Variants in GTF3C4 observed in about 807,000 individuals in gnomAD.
GTF3C4 encodes general transcription factor IIIC subunit 4.
In GTF3C4, 28 loss-of-function variants were observed where a neutral mutation model predicts 67.5. The observed-to-expected ratio is 0.41, with a 90% confidence interval of 0.31 to 0.57. GTF3C4 has a LOEUF of 0.57. Ranked by LOEUF, GTF3C4 falls within the 20% of genes least tolerant of loss-of-function variation. The pLI is 0.21. For synonymous variants in GTF3C4, 409 were observed against 393.0 expected (o/e 1.04, Z -0.48); for missense variants, 831 against 1,033.2 (o/e 0.80, Z 2.68).
At chr9:132,683,158 A>G (rs1179829876) in intron 2 of GTF3C4, among the ~76,000 whole-genome samples, 4 of 152,254 alleles carry the variant, frequency 2.6e-5, no homozygotes, top group Non-Finnish European at 5.9e-5. Flanking sequence ...TATAGAGATT[A>G]TGCTTTTTCT....
intron 2 of GTF3C4, among the ~76,000 whole-genome samples, chr9:132,681,980 A>AT (rs1835952427): frequency 1.3e-5 from 2 of 151,684 alleles, no homozygotes; most frequent in Admixed American, 6.6e-5. Context: ...AAAAAAAAAA[A>AT]AAAAAAAAAA....
At chr9:132,685,398 A>G (rs1468010789) in intron 3 of GTF3C4, among the ~76,000 whole-genome samples, 1 of 152,200 alleles carries the variant, frequency 6.6e-6, no homozygotes, top group Non-Finnish European at 1.5e-5. Context: ...ACATTTTTCT[A>G]CATCACTACA....
At chr9:132,682,044 G>A (rs545764170) in intron 2 of GTF3C4, among the ~76,000 whole-genome samples, 1 of 151,976 alleles carries the variant, frequency 6.6e-6, no homozygotes, top group East Asian at 1.9e-4. Context: ...GGAGGCTGAT[G>A]GGGGAGCCAT....
intron 3 of GTF3C4, among the ~76,000 whole-genome samples, chr9:132,683,978 A>C (rs1835986647): frequency 6.6e-6 from 1 of 151,872 alleles, no homozygotes; most frequent in Non-Finnish European, 1.5e-5. Context: ...TCCTAGCCTC[A>C]CTCTAAGACC....
At position 132,688,944 on chromosome 9, in the gene GTF3C4, A is replaced by G. The variant is rs769393936; in HGVS notation, c.2468A>G (p.Ter823=). 6.2e-7 allele frequency: 1 copy of G among 1,606,704 alleles called. No homozygotes were observed. Among genetic ancestry groups the G allele is most frequent in the Non-Finnish European group, 8.5e-7 (1 of 1,173,382 alleles). Residue 823 remains the stop codon, a stop_retained_variant, in exon 5 of 5, where the codon TAA becomes TGA. Coordinates refer to ENST00000372146, the MANE Select transcript of GTF3C4 (RefSeq NM_012204.4). The stretch of plus-strand genomic sequence containing the variant: ...CCTTTCTGTGATTCTCCTGTCTTCT[A>G]AATAATCAGTGACGGGAAGATGGAA... ...PCPFCDSPVF[*] is the part of the protein sequence containing the mutation.
rs1835694286 is a variant in GTF3C4 at position 132,670,522 on chromosome 9, G to T, written c.-77G>T. 122 of 1,169,604 alleles carry T rather than the reference G, an allele frequency of 1.0e-4. No individual in the cohort carries two copies. The highest frequency in any genetic ancestry group is 1.3e-4 in the Non-Finnish European group (119 of 881,646). 72.5% of individuals were successfully genotyped at this position (1,169,604 alleles called of 1,614,324 possible). A position where few individuals can be genotyped will look rare whatever the true frequency, so the allele number is the denominator to read the frequency against. On this transcript the variant is annotated 5_prime_UTR_variant, in exon 1 of 5. Transcript: ENST00000372146. ...AAAACCGCCGCGGAGGGCGCTGGGG[G>T]TGGCGGCGGCGGTCCGGGAGGTGGT... is the stretch of plus-strand genomic sequence containing the variant.
At position 132,690,515 on chromosome 9, in the gene GTF3C4, ATAGG is replaced by A. The variant is rs1205563368; in HGVS notation, c.*1574_*1577del. 3.2e-5 allele frequency: 4 copies of A among 124,888 alleles called. No homozygotes were observed. The highest frequency in any genetic ancestry group is 1.3e-4 in the African/African-American group (4 of 31,888). 7.7% of individuals were successfully genotyped at this position (124,888 alleles called of 1,614,324 possible). A position where few individuals can be genotyped will look rare whatever the true frequency, so the allele number is the denominator to read the frequency against. ...ACCTCCCCACCCCCACCCCGCATTGATAGGTAGTGCAGACCAGCCCTTGGAGGCA... is the reference window on the plus strand; with the variant it reads ...ACCTCCCCACCCCCACCCCGCATTGATAGTGCAGACCAGCCCTTGGAGGCA... On this transcript the variant is annotated 3_prime_UTR_variant, in exon 5 of 5. Transcript: ENST00000372146.
Position 132,678,790 on chromosome 9 carries a change from G to A in GTF3C4, c.1171G>A (p.Val391Ile). 2 of 1,613,796 alleles carry A rather than the reference G, an allele frequency of 1.2e-6. No individual in the cohort carries two copies. Among genetic ancestry groups the A allele is most frequent in the East Asian group, 2.2e-5 (1 of 44,884 alleles). ...HPYQKCSCSLVVAARGSYVFW... is the reference protein window; with the variant it reads ...HPYQKCSCSLIVAARGSYVFW... ...TTACCAGAAGTGTAGTTGCAGCTTA[G>A]TAGTGGCTGCAAGAGGCTCTTATGT... The change falls in exon 2 of 5, where the codon GTA becomes ATA. Residue 391 changes from valine to isoleucine, a missense_variant. Physicochemically the swap from Val to Ile is conservative, Grantham distance 29. This residue lies in a region of GTF3C4 where 390 missense variants were observed against 540.3 expected (regional missense o/e 0.72). Coordinates refer to ENST00000372146, the MANE Select transcript of GTF3C4 (RefSeq NM_012204.4). The surrounding 1 kb of genome is among the most constrained non-coding windows in gnomAD (Gnocchi z 6.5).
At chr9:132,673,727 C>T (rs1206992755) in intron 1 of GTF3C4, among the ~76,000 whole-genome samples, 1 of 152,302 alleles carries the variant, frequency 6.6e-6, no homozygotes, top group Non-Finnish European at 1.5e-5. Context: ...GTACTAAACA[C>T]CTTTGAAGCT....
rs1441038520 is a variant in GTF3C4 at position 132,689,179 on chromosome 9, T to A, written c.*234T>A. The A allele has an allele frequency of 1.9e-6, 1 of 530,108 alleles. No individual in the cohort carries two copies. Among genetic ancestry groups the A allele is most frequent in the African/African-American group, 1.9e-5 (1 of 52,434 alleles). The allele number at this position is 530,108 out of a possible 1,614,324, so 32.8% of individuals were successfully genotyped here. A position where few individuals can be genotyped will look rare whatever the true frequency, so the allele number is the denominator to read the frequency against. ...TCAGAGAGTTGGAGTCGTTTTGAGA[T>A]GAGCATTAGCCCCAGCTTTGTAACC... is the stretch of plus-strand genomic sequence containing the variant. On this transcript the variant is annotated 3_prime_UTR_variant, in exon 5 of 5. Transcript: ENST00000372146.
intron 2 of GTF3C4, among the ~76,000 whole-genome samples, chr9:132,680,608 A>G (rs1179051436): frequency 6.6e-6 from 1 of 152,244 alleles, no homozygotes; most frequent in African/African-American, 2.4e-5. Flanking sequence ...CTTACTGACT[A>G]AAGTCTTATT....
Position 132,685,054 on chromosome 9 carries a change from G to C in GTF3C4, c.2315+1361G>C, listed in dbSNP as rs1367678965. ...TTTTGAGACAGGGTCTTGCTGTATTGCCCAGGCTGGAGTGCAGTGGCACAA... is the reference window on the plus strand; with the variant it reads ...TTTTGAGACAGGGTCTTGCTGTATTCCCCAGGCTGGAGTGCAGTGGCACAA... On this transcript the variant is annotated intron_variant, in intron 3 of 4. Coordinates refer to ENST00000372146, the MANE Select transcript of GTF3C4 (RefSeq NM_012204.4). Among the ~76,000 whole-genome samples the C allele has an allele frequency of 7.5e-5, 10 of 132,982 alleles. No homozygotes were observed. The East Asian group carries it at 2.2e-3, about 29-fold the overall frequency. The allele number at this position is 132,982 out of a possible 152,430, so 87.2% of individuals were successfully genotyped here.
Position 132,693,651 on chromosome 9 carries a change from A to T in GTF3C4, c.*4706A>T, listed in dbSNP as rs894894046. 2.5e-5 allele frequency: 1 copy of T among 40,326 alleles called. No individual in the cohort carries two copies. Among genetic ancestry groups the T allele is most frequent in the Middle Eastern group, 8.5e-3 (1 of 118 alleles). The allele number at this position is 40,326 out of a possible 1,614,324, so 2.5% of individuals were successfully genotyped here. On this transcript the variant is annotated 3_prime_UTR_variant, in exon 5 of 5. Coordinates refer to ENST00000372146, the MANE Select transcript of GTF3C4 (RefSeq NM_012204.4). ...GTCATGAAATCCTGTTACTTTCATT[A>T]AAAAAAAAAATCCTGTAAAATGGTC...
chr9:132,687,539 A>C (rs1252434037), intron 4 of GTF3C4, among the ~76,000 whole-genome samples: 1 of 152,200 alleles, frequency 6.6e-6, no homozygotes, highest in Non-Finnish European at 1.5e-5. Flanking sequence ...GTCATATTGA[A>C]GTGCTTACTG....
At chr9:132,685,399 C>T (rs1836011056) in intron 3 of GTF3C4, among the ~76,000 whole-genome samples, 1 of 152,196 alleles carries the variant, frequency 6.6e-6, no homozygotes, top group Non-Finnish European at 1.5e-5. Flanking sequence ...CATTTTTCTA[C>T]ATCACTACAA....
chr9:132,688,953 G>C lies in GTF3C4; in HGVS notation c.*8G>C. The C allele has an allele frequency of 6.3e-7, 1 of 1,598,456 alleles. No individual in the cohort carries two copies. Among genetic ancestry groups the C allele is most frequent in the Non-Finnish European group, 8.6e-7 (1 of 1,166,120 alleles). On this transcript the variant is annotated 3_prime_UTR_variant, in exon 5 of 5. Coordinates refer to ENST00000372146, the MANE Select transcript of GTF3C4 (RefSeq NM_012204.4). ...GATTCTCCTGTCTTCTAAATAATCAGTGACGGGAAGATGGAAGGGCATGAT... is the reference window on the plus strand; with the variant it reads ...GATTCTCCTGTCTTCTAAATAATCACTGACGGGAAGATGGAAGGGCATGAT...
chr9:132,677,393 C>T (rs1031078449), intron 1 of GTF3C4, among the ~76,000 whole-genome samples: 1 of 152,104 alleles, frequency 6.6e-6, no homozygotes, highest in South Asian at 2.1e-4. Flanking sequence ...CAGAATGAGA[C>T]TCTGTCTTAC....
rs763080138 is a variant in GTF3C4, at chr9:132,670,587, A to C, written c.-12A>C. 7.0e-7 allele frequency: 1 copy of C among 1,432,802 alleles called. No homozygotes were observed. The highest frequency in any genetic ancestry group is 2.7e-5 in the East Asian group (1 of 37,382). The allele number at this position is 1,432,802 out of a possible 1,614,324, so 88.8% of individuals were successfully genotyped here. A position where few individuals can be genotyped will look rare whatever the true frequency, so the allele number is the denominator to read the frequency against. On this transcript the variant is annotated 5_prime_UTR_variant, in exon 1 of 5. Transcript: ENST00000372146. ...GAGCGCCAGGGCGTCCGACCTCTGC[A>C]CCTGAGAGAAGATGAACACGGCCGA...
intron 1 of GTF3C4, among the ~76,000 whole-genome samples, chr9:132,673,326 C>T (rs1835816024): frequency 1.3e-5 from 2 of 152,156 alleles, no homozygotes; most frequent in South Asian, 4.1e-4. Context: ...CAACTGCTAA[C>T]TAGTAACAGG....
Sources: gnomAD v4.1 joint callset for allele counts (sites outside exome capture counted in the v4.1 genomes callset) on GRCh38, gnomAD v4.1.1 for gene constraint, gnomAD v4.1.1 regional missense constraint, Gnocchi (gnomAD v3.1) non-coding constraint, MANE v1.5 for transcripts, NCBI Gene and HGNC (gene_info 2026-07-23, HGNC 2026-07-21) for gene names.